Variants in CDC45 observed in about 807,000 individuals in gnomAD.
CDC45 encodes the protein cell division cycle 45.
Under a neutral mutation model 77.8 loss-of-function variants are expected in CDC45, and 54 were observed. The observed-to-expected ratio is 0.69, with a 90% CI of 0.56 to 0.87. The LOEUF (loss-of-function observed/expected upper bound fraction) is 0.87, where lower values mean the gene tolerates loss of function less well. CDC45 is among the 40% of genes least tolerant of loss of function. The pLI, the probability that CDC45 is intolerant of heterozygous loss-of-function variation, is 0.00. For missense variants in CDC45, 649 were observed against 721.6 expected (o/e 0.90, Z 1.15); for synonymous variants, 260 against 272.1 (o/e 0.96, Z 0.44).
At chr22:19,511,969 G>T (rs1933542524) in intron 13 of CDC45, among the ~76,000 whole-genome samples, 1 of 145,832 alleles carries the variant, frequency 6.9e-6, no homozygotes, top group Non-Finnish European at 1.5e-5. Flanking sequence ...CACTTAAGCT[G>T]GCATGCAGTG....
chr22:19,494,463 TC>T, intron 6 of CDC45, 81 bp downstream of exon 6: 1 of 1,585,850 alleles, frequency 6.3e-7, no homozygotes, highest in Non-Finnish European at 8.6e-7. Flanking sequence ...ACCTCTGACT[TC>T]CTGTCTCAGG....
chr22:19,482,658 T>C (rs756197140), intron 3 of CDC45, 32 bp from the exon 4 acceptor site: 3 of 1,608,050 alleles, frequency 1.9e-6, no homozygotes, highest in South Asian at 2.2e-5. Flanking sequence ...CTCCTCGATA[T>C]AGCTACTTTA....
chr22:19,510,195 G>A (rs1037624173), intron 13 of CDC45, among the ~76,000 whole-genome samples: 2 of 152,162 alleles, frequency 1.3e-5, no homozygotes, highest in Non-Finnish European at 2.9e-5. Flanking sequence ...CTAGGCTCAA[G>A]CAATCCTTTC....
intron 13 of CDC45, among the ~76,000 whole-genome samples, chr22:19,508,930 A>G (rs939965195): frequency 1.7e-4 from 26 of 151,374 alleles, no homozygotes; most frequent in Admixed American, 1.2e-3. Context: ...GATTTTTAAA[A>G]TTTTCTCTTT....
intron 15 of CDC45, 96 bp from the exon 16 acceptor site, chr22:19,516,431 G>A: frequency 1.0e-6 from 1 of 1,002,552 alleles, no homozygotes; most frequent in Non-Finnish European, 1.6e-6. Flanking sequence ...TGGAGGCTTT[G>A]GGGAGTGGAG....
chr22:19,517,745 G>A (rs1025191761), intron 17 of CDC45, among the ~76,000 whole-genome samples: 2 of 152,078 alleles, frequency 1.3e-5, no homozygotes, highest in Admixed American at 6.5e-5. Context: ...TGTCCAAACC[G>A]TTTCATCTTC....
chr22:19,511,409 C>T (rs1933507017), intron 13 of CDC45, among the ~76,000 whole-genome samples: 2 of 148,404 alleles, frequency 1.3e-5, no homozygotes, highest in East Asian at 2.0e-4. Context: ...TGGCTCACTG[C>T]AGCCTCAAAC....
chr22:19,500,902 C>T (rs905499293), intron 9 of CDC45, among the ~76,000 whole-genome samples: 2 of 152,050 alleles, frequency 1.3e-5, no homozygotes, highest in East Asian at 1.9e-4. Context: ...GGAGGCCGGG[C>T]GCGATGGCTC....
At chr22:19,513,857 CTCTG>C (rs1340174276) in intron 13 of CDC45, among the ~76,000 whole-genome samples, 1 of 152,094 alleles carries the variant, frequency 6.6e-6, no homozygotes, top group African/African-American at 2.4e-5. Context: ...AATGACGATG[CTCTG>C]TCTTATTTTT....
chr22:19,505,206 CTATGCAG>C, intron 9 of CDC45, 149 bp from the exon 10 acceptor site: 1 of 779,874 alleles, frequency 1.3e-6, no homozygotes, highest in East Asian at 2.7e-5. Flanking sequence ...TGCTTGGTTT[CTATGCAG>C]GCTGCATGTC....
chr22:19,507,967 C>G, intron 12 of CDC45, 103 bp downstream of exon 12: 1 of 738,296 alleles, frequency 1.4e-6, no homozygotes. Flanking sequence ...AAAAAACCAA[C>G]GTGCTCCTAA....
Position 19,479,948 on chromosome 22 carries a change from A to G in CDC45, c.-21A>G, listed in dbSNP as rs1374342675. 2 of 1,612,380 alleles carry G rather than the reference A, an allele frequency of 1.2e-6. No individual in the cohort carries two copies. The highest frequency in any genetic ancestry group is 1.7e-6 in the Non-Finnish European group (2 of 1,179,964). ...CTCTTGGTACCTCAGCGCGAGCGCC[A>G]GGCGTCCGGCCGCCGTGGCTATGTT... On this transcript the variant is annotated 5_prime_UTR_variant, in exon 1 of 19. Transcript: ENST00000263201.
At chr22:19,486,818 A>G (rs1340295095) in intron 5 of CDC45, among the ~76,000 whole-genome samples, 1 of 152,154 alleles carries the variant, frequency 6.6e-6, no homozygotes, top group Non-Finnish European at 1.5e-5. Flanking sequence ...CTGGGACTAC[A>G]GGTGCCTGCC....
intron 5 of CDC45, 45 bp downstream of exon 5, chr22:19,484,050 C>G (rs753764228): frequency 1.9e-6 from 3 of 1,556,284 alleles, no homozygotes; most frequent in South Asian, 1.2e-5. Flanking sequence ...ACTTGCACTC[C>G]CAGAGGTCGG....
chr22:19,514,900 A>G lies in CDC45; in HGVS notation c.1356+13A>G. 6.2e-7 allele frequency: 1 copy of G among 1,614,172 alleles called. No homozygotes were observed. The highest frequency in any genetic ancestry group is 1.1e-5 in the South Asian group (1 of 91,086). ...CTCTCTCATGGAGGTCAGGCTTCCC[A>G]CAGAGCACAGGCGCCTGGTCACAGC... On this transcript the variant is annotated intron_variant, in intron 14 of 18. Coordinates refer to ENST00000263201, the MANE Select transcript of CDC45 (RefSeq NM_003504.5).
At chr22:19,505,158 C>T in intron 9 of CDC45, 1 of 594,814 alleles carries the variant, frequency 1.7e-6, no homozygotes, top group South Asian at 2.0e-5. Flanking sequence ...AGGCTAGAGA[C>T]CACACCCCCC....
chr22:19,501,406 T>C (rs1261000240), intron 9 of CDC45, among the ~76,000 whole-genome samples: 1 of 152,066 alleles, frequency 6.6e-6, no homozygotes, highest in African/African-American at 2.4e-5. Flanking sequence ...GCAAAGACAG[T>C]TTCTGGTTTT....
chr22:19,489,086 G>C (rs1383209350), intron 5 of CDC45, among the ~76,000 whole-genome samples: 1 of 152,094 alleles, frequency 6.6e-6, no homozygotes, highest in Non-Finnish European at 1.5e-5. Context: ...TGAGGTGGGA[G>C]AATCACCTGA....
At chr22:19,512,198 C>G (rs929156672) in intron 13 of CDC45, among the ~76,000 whole-genome samples, 4 of 152,172 alleles carry the variant, frequency 2.6e-5, no homozygotes, top group African/African-American at 9.7e-5. Context: ...TAACAGGACC[C>G]CTTGCTCATT....
Sources: allele counts gnomAD v4.1 joint callset (sites outside exome capture counted in the v4.1 genomes callset), GRCh38; gene constraint gnomAD v4.1.1; transcripts MANE v1.5; gene names NCBI Gene and HGNC (gene_info 2026-07-23, HGNC 2026-07-21).